The following TANC2 variants were observed in gnomAD, a reference collection of about 807,000 sequenced individuals.
TANC2 encodes tetratricopeptide repeat, ankyrin repeat and coiled-coil containing 2, also known as protein TANC2.
In TANC2, 26 loss-of-function variants were observed where a neutral mutation model predicts 210.5. The observed-to-expected ratio is 0.12, with a 90% CI of 0.09 to 0.17. TANC2 has a LOEUF of 0.17. TANC2 is among the 10% of genes least tolerant of loss of function. The pLI is 1.00. For missense variants in TANC2, 2,129 were observed against 2,608.9 expected (o/e 0.82, Z 4.01); for synonymous variants, 931 against 967.1 (o/e 0.96, Z 0.69).
At chr17:63,097,611 T>G (rs1432311469) in intron 3 of TANC2, among the ~76,000 whole-genome samples, 1 of 152,036 alleles carries the variant, frequency 6.6e-6, no homozygotes, top group African/African-American at 2.4e-5. Context: ...TTAAGAAAGT[T>G]TATAAAATTT....
chr17:63,169,861 G>T (rs2040339636), intron 5 of TANC2, among the ~76,000 whole-genome samples: 1 of 152,052 alleles, frequency 6.6e-6, no homozygotes, highest in Non-Finnish European at 1.5e-5. Flanking sequence ...GGCAGGTGCG[G>T]AGGCTCACGC....
intron 7 of TANC2, among the ~76,000 whole-genome samples, chr17:63,218,742 A>G (rs970792334): frequency 6.6e-6 from 1 of 152,106 alleles, no homozygotes; most frequent in African/African-American, 2.4e-5. Flanking sequence ...CTAAAAATGC[A>G]AAAATTAGCT....
chr17:63,124,104 C>T (rs898067891), intron 4 of TANC2, among the ~76,000 whole-genome samples: 4 of 152,048 alleles, frequency 2.6e-5, no homozygotes, highest in Non-Finnish European at 5.9e-5. Context: ...TTTGTCTTTT[C>T]GTTGGCACTT....
At chr17:63,031,846 G>A (rs2034782697) in intron 2 of TANC2, among the ~76,000 whole-genome samples, 1 of 152,124 alleles carries the variant, frequency 6.6e-6, no homozygotes, top group Admixed American at 6.6e-5. Flanking sequence ...GAGTACTAAG[G>A]GAGTTCCAAG....
At chr17:63,042,612 C>G (rs2035232786) in intron 2 of TANC2, among the ~76,000 whole-genome samples, 1 of 152,078 alleles carries the variant, frequency 6.6e-6, no homozygotes, top group South Asian at 2.1e-4. Context: ...TTAAAAAATA[C>G]TCGATTACAG....
chr17:63,132,453 T>G (rs1187712037), intron 4 of TANC2, among the ~76,000 whole-genome samples: 1 of 152,170 alleles, frequency 6.6e-6, no homozygotes, highest in Non-Finnish European at 1.5e-5. Context: ...CTCATGCCTT[T>G]GTGTATTTAA....
At chr17:63,274,129 G>T (rs961423529) in intron 9 of TANC2, among the ~76,000 whole-genome samples, 2 of 152,106 alleles carry the variant, frequency 1.3e-5, no homozygotes, top group African/African-American at 2.4e-5. Context: ...GATAATGGTA[G>T]TCTTTTGACT....
At chr17:63,210,365 T>G (rs1310109169) in intron 7 of TANC2, among the ~76,000 whole-genome samples, 1 of 152,240 alleles carries the variant, frequency 6.6e-6, no homozygotes, top group Non-Finnish European at 1.5e-5. Context: ...AAACCAAATC[T>G]TACTTTCTTC....
At chr17:63,024,153 G>A (rs1249792380) in intron 2 of TANC2, among the ~76,000 whole-genome samples, 22 of 152,152 alleles carry the variant, frequency 1.4e-4, no homozygotes, top group Admixed American at 1.4e-3. Flanking sequence ...GAGCCCAAGA[G>A]AGGGTTTTTG....
At chr17:63,001,193 G>A (rs920061148) in intron 1 of TANC2, among the ~76,000 whole-genome samples, 1 of 152,124 alleles carries the variant, frequency 6.6e-6, no homozygotes, top group Non-Finnish European at 1.5e-5. Flanking sequence ...AATAATCAGA[G>A]TTTGAGTTAG....
intron 4 of TANC2, among the ~76,000 whole-genome samples, chr17:63,109,031 GA>G (rs1193391123): frequency 6.6e-6 from 1 of 150,628 alleles, no homozygotes; most frequent in Non-Finnish European, 1.5e-5. Flanking sequence ...AACCAAAATT[GA>G]AAAAAAAGTT....
At chr17:63,406,264 T>C (rs766083691) in exon 21 of TANC2, 8 of 1,613,846 alleles carry the variant, frequency 5.0e-6, no homozygotes, top group Non-Finnish European at 6.8e-6. Context: ...CCGTGGACTT[T>C]CTGCTTGCAC....
At chr17:63,394,400 T>C (rs1228685219) in intron 17 of TANC2, among the ~76,000 whole-genome samples, 1 of 152,208 alleles carries the variant, frequency 6.6e-6, no homozygotes. Context: ...CCACAAGATG[T>C]TCTAGTCTCA....
intron 14 of TANC2, among the ~76,000 whole-genome samples, chr17:63,368,416 A>G (rs978920445): frequency 6.6e-6 from 1 of 152,242 alleles, no homozygotes; most frequent in Non-Finnish European, 1.5e-5. Context: ...AACTTTGTGC[A>G]TTACCAGCAA....
chr17:63,070,393 A>G (rs1193555518), intron 2 of TANC2, among the ~76,000 whole-genome samples: 1 of 152,170 alleles, frequency 6.6e-6, no homozygotes, highest in African/African-American at 2.4e-5. Flanking sequence ...AGGATCACCT[A>G]GAGAGAGCCA....
At chr17:63,270,874 G>A (rs1440114166) in intron 9 of TANC2, among the ~76,000 whole-genome samples, 2 of 152,020 alleles carry the variant, frequency 1.3e-5, no homozygotes, top group Admixed American at 6.6e-5. Flanking sequence ...GTGTCCATGC[G>A]TTCTCATCAT....
intron 21 of TANC2, among the ~76,000 whole-genome samples, chr17:63,410,793 G>A (rs2048671864): frequency 6.7e-6 from 1 of 148,768 alleles, no homozygotes; most frequent in Admixed American, 6.7e-5. Context: ...CCCGGGAGGT[G>A]GAGGTTGCAG....
chr17:63,002,271 G>A (rs2033421009), intron 1 of TANC2, among the ~76,000 whole-genome samples: 1 of 152,194 alleles, frequency 6.6e-6, no homozygotes, highest in South Asian at 2.1e-4. Flanking sequence ...GATGGTGCCA[G>A]TTAGCCAAAG....
intron 2 of TANC2, among the ~76,000 whole-genome samples, chr17:63,037,444 T>A (rs2035016426): frequency 6.6e-6 from 1 of 152,114 alleles, no homozygotes; most frequent in South Asian, 2.1e-4. Context: ...GAAAGAGAAA[T>A]CACAGATAAG....
Sources: gnomAD v4.1 joint callset for allele counts (sites outside exome capture counted in the v4.1 genomes callset) on GRCh38, gnomAD v4.1.1 for gene constraint, MANE v1.5 for transcripts, NCBI Gene and HGNC (gene_info 2026-07-23, HGNC 2026-07-21) for gene names.